The following HABP4 variants were observed in gnomAD, a reference collection of about 807,000 sequenced individuals.
HABP4 encodes intracellular hyaluronan-binding protein 4.
Under a neutral mutation model 44.1 loss-of-function variants are expected in HABP4, and 32 were observed. The ratio of observed to expected loss-of-function variants is 0.73; its 90% confidence interval spans 0.55 to 0.97. The LOEUF (loss-of-function observed/expected upper bound fraction) is 0.97, where lower values mean the gene tolerates loss of function less well. Ranked by LOEUF, HABP4 falls within the 50% of genes least tolerant of loss-of-function variation. HABP4 has a pLI of 0.00. For synonymous variants in HABP4, 216 were observed against 218.0 expected (o/e 0.99, Z 0.08); for missense variants, 503 against 561.9 (o/e 0.90, Z 1.06).
Position 96,490,213 on chromosome 9 carries a change from G to A in HABP4, c.*175G>A. On this transcript the variant is annotated 3_prime_UTR_variant, in exon 8 of 8. Coordinates refer to ENST00000375249, the MANE Select transcript of HABP4 (RefSeq NM_014282.4). ...TAGAGGGGCTTCTCCAGAGGCTCGA[G>A]AGCAGGCCATTTCCCAAGAAGATGA... The A allele has an allele frequency of 1.7e-6, 1 of 597,848 alleles. No individual in the cohort carries two copies. The highest frequency in any genetic ancestry group is 3.0e-6 in the Non-Finnish European group (1 of 335,292). 37.0% of individuals were successfully genotyped at this position (597,848 alleles called of 1,614,324 possible). A position where few individuals can be genotyped will look rare whatever the true frequency, so the allele number is the denominator to read the frequency against.
intron 6 of HABP4, among the ~76,000 whole-genome samples, chr9:96,486,782 C>T (rs986436621): frequency 3.3e-5 from 5 of 152,164 alleles, no homozygotes; most frequent in East Asian, 3.9e-4. Context: ...GTAACAACCT[C>T]GCGTAAGGCA....
intron 2 of HABP4, among the ~76,000 whole-genome samples, chr9:96,462,737 G>T (rs1832526525): frequency 6.6e-6 from 1 of 151,994 alleles, no homozygotes; most frequent in African/African-American, 2.4e-5. Flanking sequence ...ACCAACCTGG[G>T]CGACATGGTG....
At chr9:96,471,895 A>G (rs1301035958) in intron 5 of HABP4, among the ~76,000 whole-genome samples, 2 of 152,048 alleles carry the variant, frequency 1.3e-5, no homozygotes, top group African/African-American at 2.4e-5. Flanking sequence ...GATTCAAGCA[A>G]TTCTCCTCCT....
chr9:96,470,427 G>T (rs1272035104), intron 4 of HABP4, among the ~76,000 whole-genome samples: 1 of 152,066 alleles, frequency 6.6e-6, no homozygotes, highest in African/African-American at 2.4e-5. Flanking sequence ...CACCCTGCCG[G>T]CCTGGAACCT....
intron 5 of HABP4, among the ~76,000 whole-genome samples, chr9:96,476,926 A>G (rs1054042558): frequency 1.3e-5 from 2 of 152,238 alleles, no homozygotes; most frequent in Non-Finnish European, 2.9e-5. Flanking sequence ...CATTCCAGTC[A>G]ACAGCTTCAA....
At chr9:96,482,791 T>C (rs1409282276) in intron 5 of HABP4, among the ~76,000 whole-genome samples, 1 of 152,228 alleles carries the variant, frequency 6.6e-6, no homozygotes, top group Non-Finnish European at 1.5e-5. Flanking sequence ...GCATCATTTT[T>C]TCAAGGTTTG....
In HABP4 at chr9:96,465,751, G is replaced by A; in HGVS notation, c.716G>A (p.Arg239Gln). 3.8e-6 allele frequency: 6 copies of A among 1,599,334 alleles called. No individual in the cohort carries two copies. The highest frequency in any genetic ancestry group is 1.7e-4 in the Middle Eastern group (1 of 6,030). ...GACAACATGGGTGGATGTGGAGTTC[G>A]AACCTGGGGATCGGGTAAAGATACC... ...TEDNMGGCGV[R>Q]TWGSGKDTSD... The change falls in exon 4 of 8, where the codon CGA becomes CAA. Residue 239 changes from arginine (R) to glutamine (Q), a missense_variant. Physicochemically the swap from Arg to Gln is conservative, Grantham distance 43. Coordinates refer to ENST00000375249, the MANE Select transcript of HABP4 (RefSeq NM_014282.4).
intron 5 of HABP4, among the ~76,000 whole-genome samples, chr9:96,480,627 A>G (rs1587686726): frequency 2.0e-5 from 3 of 152,350 alleles, no homozygotes; most frequent in East Asian, 3.8e-4. Flanking sequence ...TTTTTGACAC[A>G]TTTCATAATA....
intron 5 of HABP4, among the ~76,000 whole-genome samples, chr9:96,475,595 C>G (rs952009051): frequency 6.6e-6 from 1 of 152,110 alleles, no homozygotes; most frequent in Non-Finnish European, 1.5e-5. Flanking sequence ...GGAATTTGAA[C>G]CAGGCAGATG....
At chr9:96,469,148 A>C (rs539614128) in intron 4 of HABP4, among the ~76,000 whole-genome samples, 32 of 152,196 alleles carry the variant, frequency 2.1e-4, no homozygotes, top group Non-Finnish European at 7.4e-5. Flanking sequence ...AATTTTTTCT[A>C]TTTATCTGTG....
At chr9:96,457,608 C>G (rs1832416960) in intron 1 of HABP4, among the ~76,000 whole-genome samples, 2 of 152,204 alleles carry the variant, frequency 1.3e-5, no homozygotes, top group African/African-American at 2.4e-5. Context: ...AGGCTCATGC[C>G]TGTAATCCCA....
At position 96,488,875 on chromosome 9, in the gene HABP4, T is replaced by G. The variant is rs1247237746; in HGVS notation, c.1185+601T>G. On this transcript the variant is annotated intron_variant, in intron 7 of 7. Transcript: ENST00000375249. The surrounding 1 kb of genome is among the most constrained non-coding windows in gnomAD (Gnocchi z 4.6). ...GGTCTCGGAGCAAAGGAGTTTCTTT[T>G]CATTGAAGCCTGATCTCCGTGTGCG... is the stretch of plus-strand genomic sequence containing the variant. Among the ~76,000 whole-genome samples the G allele has an allele frequency of 6.6e-6, 1 of 152,202 alleles. No homozygotes were observed. The highest frequency in any genetic ancestry group is 6.5e-5 in the Admixed American group (1 of 15,286).
intron 1 of HABP4, among the ~76,000 whole-genome samples, chr9:96,452,913 T>G (rs1262637489): frequency 1.3e-5 from 1 of 77,420 alleles, no homozygotes; most frequent in Non-Finnish European, 2.5e-5. Context: ...GGAAAAGGGT[T>G]TTTTTTTTTT....
At chr9:96,466,922 C>CTTT (rs200696039) in intron 4 of HABP4, among the ~76,000 whole-genome samples, 10 of 134,906 alleles carry the variant, frequency 7.4e-5, no homozygotes, top group East Asian at 2.1e-4. Context: ...AGAATATAAG[C>CTTT]TTTTTTTTTT....
intron 2 of HABP4, among the ~76,000 whole-genome samples, chr9:96,460,776 A>G (rs1420626365): frequency 6.6e-6 from 1 of 152,234 alleles, no homozygotes; most frequent in African/African-American, 2.4e-5. Context: ...CAGGAATGCC[A>G]CAGAAGTAAT....
intron 1 of HABP4, among the ~76,000 whole-genome samples, chr9:96,455,106 C>A (rs1447728547): frequency 2.0e-5 from 3 of 150,856 alleles, no homozygotes; most frequent in African/African-American, 2.4e-5. Flanking sequence ...GTGACAGAGA[C>A]CCTGTCGAAA....
chr9:96,464,591 G>T (rs1170087802), intron 2 of HABP4, among the ~76,000 whole-genome samples: 7 of 152,136 alleles, frequency 4.6e-5, no homozygotes, highest in Admixed American at 3.9e-4. Context: ...CCATGTTTGG[G>T]TATTATCTAT....
At chr9:96,472,303 C>T (rs532836984) in intron 5 of HABP4, among the ~76,000 whole-genome samples, 100 of 152,260 alleles carry the variant, frequency 6.6e-4, no homozygotes, top group Admixed American at 4.8e-3. Flanking sequence ...TGGCGATCCC[C>T]GGTTCTTGGG....
chr9:96,457,858 C>T (rs7857727), intron 1 of HABP4, among the ~76,000 whole-genome samples: 3,549 of 152,058 alleles, frequency 0.023, 141 homozygotes, highest in African/African-American at 0.082. Flanking sequence ...GGTGACAGAG[C>T]AAGACTCTGT....
Sources: allele counts gnomAD v4.1 joint callset (sites outside exome capture counted in the v4.1 genomes callset), GRCh38; gene constraint gnomAD v4.1.1; non-coding constraint Gnocchi (gnomAD v3.1); transcripts MANE v1.5; gene names NCBI Gene and HGNC (gene_info 2026-07-23, HGNC 2026-07-21).